Variants in TLK1 observed in about 807,000 individuals in gnomAD.
TLK1 encodes tousled like kinase 1, also known as serine/threonine-protein kinase tousled-like 1.
TLK1 carries 24 observed loss-of-function variants against 105.3 expected under a neutral mutation model. The observed-to-expected ratio is 0.23, with a 90% confidence interval of 0.17 to 0.32. TLK1 has a LOEUF of 0.32. Among genes scored for constraint, TLK1 ranks in the 10% least tolerant of loss-of-function variants. The pLI is 1.00. For synonymous variants in TLK1, 321 were observed against 310.4 expected, an observed-to-expected ratio of 1.03 and a Z score of -0.36; for missense variants, 558 against 910.5, an observed-to-expected ratio of 0.61 and a Z score of 4.98.
chr2:171,108,299 T>C (rs1470921366), intron 2 of TLK1, among the ~76,000 whole-genome samples: 2 of 152,196 alleles, frequency 1.3e-5, no homozygotes, highest in African/African-American at 4.8e-5. Flanking sequence ...CCCACAGGAA[T>C]GCAGTTTGAG....
At chr2:171,077,176 T>G (rs1332411412) in intron 3 of TLK1, among the ~76,000 whole-genome samples, 1 of 152,182 alleles carries the variant, frequency 6.6e-6, no homozygotes, top group Non-Finnish European at 1.5e-5. Flanking sequence ...GATAACCTAT[T>G]TTCACTGTGA....
chr2:171,102,208 A>G (rs1689721823), intron 2 of TLK1, among the ~76,000 whole-genome samples: 1 of 152,144 alleles, frequency 6.6e-6, no homozygotes, highest in African/African-American at 2.4e-5. Context: ...GTGAGTACGT[A>G]CCAGATTCTA....
chr2:171,146,707 A>G (rs1170477672), intron 1 of TLK1, among the ~76,000 whole-genome samples: 1 of 152,252 alleles, frequency 6.6e-6, no homozygotes, highest in Non-Finnish European at 1.5e-5. Flanking sequence ...AACAGCAGTT[A>G]AACTGGAGGA....
At chr2:171,046,409 T>G in intron 10 of TLK1, 47 bp from the exon 11 acceptor site, 1 of 1,493,962 alleles carries the variant, frequency 6.7e-7, no homozygotes, top group Non-Finnish European at 8.9e-7. Context: ...TCCATTACTT[T>G]TCAAGGCTAA....
At chr2:171,165,153 A>G (rs538198910), upstream of TLK1, among the ~76,000 whole-genome samples, 3 of 152,336 alleles carry the variant, frequency 2.0e-5, no homozygotes, top group Admixed American at 1.3e-4. Flanking sequence ...CCCAGAGGGA[A>G]AGCCAGCTTG....
chr2:171,214,557 T>C (rs963744775), intron 1 of TLK1, among the ~76,000 whole-genome samples: 9 of 152,220 alleles, frequency 5.9e-5, no homozygotes, highest in Admixed American at 5.9e-4. Flanking sequence ...CAGAGTCGCC[T>C]TGAGGGCTTG....
intron 1 of TLK1, among the ~76,000 whole-genome samples, chr2:171,213,084 A>T (rs1693650311): frequency 6.6e-6 from 1 of 151,484 alleles, no homozygotes; most frequent in African/African-American, 2.4e-5. Flanking sequence ...TTCTAAAAAA[A>T]TTTTTTTTTA....
intron 12 of TLK1, among the ~76,000 whole-genome samples, chr2:171,026,025 T>C (rs942167323): frequency 2.0e-5 from 3 of 152,124 alleles, no homozygotes; most frequent in Non-Finnish European, 4.4e-5. Flanking sequence ...TGTTAATCCA[T>C]TTCCCCAAAA....
rs931730991 is a variant in TLK1, at chr2:171,210,496, C to T, written c.-6+20649G>A. Among the ~76,000 whole-genome samples the T allele has an allele frequency of 5.3e-5, 8 of 151,894 alleles. No individual in the cohort carries two copies. The South Asian group carries it at 1.0e-3, about 20-fold the overall frequency. On this transcript the variant is annotated intron_variant, in intron 1 of 20. Coordinates refer to the TLK1 transcript ENST00000521943. Reference sequence around the variant, plus strand: ...AAGACCACATCTAGGCAAGTATTTGCGAAAGAAAAGAATTTCGATTTCAGA... The same window carrying T: ...AAGACCACATCTAGGCAAGTATTTGTGAAAGAAAAGAATTTCGATTTCAGA...
intron 12 of TLK1, among the ~76,000 whole-genome samples, chr2:171,023,856 T>G (rs901026626): frequency 1.3e-5 from 2 of 152,224 alleles, no homozygotes; most frequent in African/African-American, 4.8e-5. Context: ...GACTATATAA[T>G]CAACCTAGCA....
At chr2:171,033,385 G>C (rs2105401001) in intron 11 of TLK1, among the ~76,000 whole-genome samples, 1 of 149,442 alleles carries the variant, frequency 6.7e-6, no homozygotes, top group Middle Eastern at 3.5e-3. Flanking sequence ...TGAATTCATG[G>C]AGATAGAGAG....
chr2:171,090,850 G>A (rs775406702), intron 2 of TLK1, among the ~76,000 whole-genome samples: 3 of 152,074 alleles, frequency 2.0e-5, no homozygotes, highest in Non-Finnish European at 4.4e-5. Context: ...TAAACTAGCA[G>A]ACACAATAGT....
In TLK1 at chr2:171,058,205, A is replaced by G; in HGVS notation, c.407-8T>C. On this transcript the variant is annotated splice_polypyrimidine_tract_variant and splice_region_variant and intron_variant, in intron 4 of 20. Transcript: ENST00000431350. ...GTCCCCCAATACTTTTTCCTAAAAT[A>G]TAAGAAGCGCATGATGTTAGTAGGG... 1 of 1,613,446 alleles carries G rather than the reference A, an allele frequency of 6.2e-7. No individual in the cohort carries two copies. Among genetic ancestry groups the G allele is most frequent in the Non-Finnish European group, 8.5e-7 (1 of 1,179,472 alleles).
intron 2 of TLK1, among the ~76,000 whole-genome samples, chr2:171,093,943 C>T (rs1689347315): frequency 1.3e-5 from 2 of 152,124 alleles, no homozygotes; most frequent in African/African-American, 4.8e-5. Context: ...GTAAACCTCA[C>T]CACCAACCAA....
chr2:171,168,273 A>C (rs1180809442), intron 1 of TLK1, among the ~76,000 whole-genome samples: 7 of 152,198 alleles, frequency 4.6e-5, no homozygotes. Context: ...AATTCGATAC[A>C]TGGCAAAGGA....
chr2:171,130,903 A>G (rs1294909502), intron 1 of TLK1, among the ~76,000 whole-genome samples: 3 of 152,178 alleles, frequency 2.0e-5, no homozygotes, highest in Non-Finnish European at 2.9e-5. Flanking sequence ...TATATAAATT[A>G]GCACATAATC....
At chr2:171,199,587 C>A (rs546760999) in intron 1 of TLK1, among the ~76,000 whole-genome samples, 1 of 152,100 alleles carries the variant, frequency 6.6e-6, no homozygotes, top group East Asian at 1.9e-4. Context: ...TCCTAAAGCC[C>A]AGAATCAGTC....
At chr2:171,014,255 G>A (rs1685065146) in intron 13 of TLK1, among the ~76,000 whole-genome samples, 1 of 152,146 alleles carries the variant, frequency 6.6e-6, no homozygotes, top group African/African-American at 2.4e-5. Context: ...CATTCTAGAG[G>A]GAGGAGACAA....
intron 1 of TLK1, among the ~76,000 whole-genome samples, chr2:171,127,700 C>A (rs1010810900): frequency 6.6e-6 from 1 of 151,798 alleles, no homozygotes; most frequent in African/African-American, 2.4e-5. Context: ...TAATTTTTTT[C>A]CAAAGGAAAA....
Sources: allele counts gnomAD v4.1 joint callset (sites outside exome capture counted in the v4.1 genomes callset), GRCh38; gene constraint gnomAD v4.1.1; transcripts MANE v1.5; gene names NCBI Gene and HGNC (gene_info 2026-07-23, HGNC 2026-07-21).